RYR2: variants seen among roughly 807,000 people sequenced by gnomAD.
RYR2 encodes ryanodine receptor 2.
In RYR2, 227 loss-of-function variants were observed where a neutral mutation model predicts 601.1. The observed-to-expected ratio is 0.38, with a 90% CI of 0.34 to 0.42. The LOEUF (loss-of-function observed/expected upper bound fraction) is 0.42. Ranked by LOEUF, RYR2 falls within the 10% of genes least tolerant of loss-of-function variation. The probability of loss-of-function intolerance (pLI) is 1.00; values close to 1 mark genes in which losing one functional copy is unlikely to be tolerated. For synonymous variants in RYR2, 2,223 were observed against 2,175.1 expected (o/e 1.02, Z -0.61); for missense variants, 4,646 against 6,156.5 (o/e 0.75, Z 8.21).
intron 24 of RYR2, among the ~76,000 whole-genome samples, chr1:237,523,708 G>A (rs1474401020): frequency 6.6e-6 from 1 of 150,992 alleles, no homozygotes; most frequent in Non-Finnish European, 1.5e-5. Flanking sequence ...CTGTCCTCCT[G>A]CCTGGGTGGC....
At chr1:237,134,379 G>A (rs958306349) in intron 1 of RYR2, among the ~76,000 whole-genome samples, 6 of 152,192 alleles carry the variant, frequency 3.9e-5, no homozygotes, top group African/African-American at 1.2e-4. Context: ...CTGACTCACA[G>A]TTCCACGTGG....
At chr1:237,220,041 C>T (rs1249668294) in intron 1 of RYR2, among the ~76,000 whole-genome samples, 2 of 152,210 alleles carry the variant, frequency 1.3e-5, no homozygotes, top group African/African-American at 4.8e-5. Flanking sequence ...GTGTTGATTA[C>T]TGAACAGCTA....
At position 237,257,232 on chromosome 1, in the gene RYR2, G is replaced by A. The variant is rs144434835; in HGVS notation, c.49-13265G>A. On this transcript the variant is annotated intron_variant, in intron 1 of 104. Coordinates refer to ENST00000366574, the MANE Select transcript of RYR2 (RefSeq NM_001035.3). The stretch of plus-strand genomic sequence containing the variant: ...AGATTTGTCTCATTCGACCACCTGC[G>A]CATCCATGAGCAAATGGCTTACTCT... Among the ~76,000 whole-genome samples, 840 of 152,248 alleles carry A rather than the reference G, an allele frequency of 5.5e-3. 10 individuals carry two copies. Among genetic ancestry groups the A allele is most frequent in the Admixed American group, 9.9e-3 (152 of 15,290 alleles).
chr1:237,083,207 C>T (rs1431217286), intron 1 of RYR2, among the ~76,000 whole-genome samples: 3 of 152,118 alleles, frequency 2.0e-5, no homozygotes, highest in Non-Finnish European at 4.4e-5. Flanking sequence ...CAGTTTGGTG[C>T]ATGCTTTGAA....
chr1:237,825,943 T>C (rs1371181342), intron 101 of RYR2, among the ~76,000 whole-genome samples: 1 of 152,076 alleles, frequency 6.6e-6, no homozygotes, highest in Non-Finnish European at 1.5e-5. Context: ...ATTGAAGAAA[T>C]GCAAATCAAA....
chr1:237,216,979 C>CCT (rs1683257673), intron 1 of RYR2, among the ~76,000 whole-genome samples: 1 of 152,114 alleles, frequency 6.6e-6, no homozygotes, highest in East Asian at 1.9e-4. Flanking sequence ...CTCCAGGGTA[C>CCT]CTGAAATTTC....
intron 10 of RYR2, among the ~76,000 whole-genome samples, chr1:237,390,105 G>C (rs563373784): frequency 4.4e-4 from 65 of 148,494 alleles, no homozygotes; most frequent in Non-Finnish European, 6.9e-4. Context: ...AGTCATTGAA[G>C]TCAAAGGATT....
chr1:237,419,615 A>G (rs1422313391), intron 11 of RYR2, among the ~76,000 whole-genome samples: 4 of 152,178 alleles, frequency 2.6e-5, no homozygotes, highest in Non-Finnish European at 4.4e-5. Flanking sequence ...GAGAAGGCAG[A>G]GCAGGTAGTT....
intron 23 of RYR2, among the ~76,000 whole-genome samples, chr1:237,511,390 A>T (rs993251602): frequency 2.0e-5 from 3 of 151,620 alleles, no homozygotes; most frequent in African/African-American, 7.3e-5. Context: ...ATAAGATATA[A>T]GCAAATGCTG....
chr1:237,440,035 A>C (rs181641389), intron 12 of RYR2, among the ~76,000 whole-genome samples: 1 of 152,202 alleles, frequency 6.6e-6, no homozygotes, highest in East Asian at 1.9e-4. Flanking sequence ...GGTTATTTGC[A>C]TAATGATTGA....
chr1:237,627,894 T>C lies in RYR2; in HGVS notation c.6254T>C (p.Phe2085Ser), dbSNP rs762814340. Residue 2085 changes from phenylalanine to serine, a missense_variant, in exon 41 of 105, where the codon TTT (phenylalanine) becomes TCT (serine). By Grantham distance (155) the Phe-to-Ser change is radical (BLOSUM62 -2). Coordinates refer to ENST00000366574, the MANE Select transcript of RYR2 (RefSeq NM_001035.3). ...GACCCCGAGCTGGTGAGGGCCATGT[T>C]TGTGTTGCTCCATCGGCAGTATGAC... ...IEDPELVRAM[F>S]VLLHRQYDGI... The C allele has an allele frequency of 5.0e-6, 8 of 1,613,798 alleles. No individual in the cohort carries two copies. The highest frequency in any genetic ancestry group is 2.2e-5 in the East Asian group (1 of 44,858).
chr1:237,437,608 G>C (rs547888032), intron 12 of RYR2, among the ~76,000 whole-genome samples: 1 of 152,156 alleles, frequency 6.6e-6, no homozygotes, highest in Non-Finnish European at 1.5e-5. Context: ...GTGGAAAGAA[G>C]ACAATTGAGG....
rs1695420700 is a variant in RYR2, at chr1:237,784,878, G to A, written c.13166G>A (p.Gly4389Glu). Residue 4389 changes from glycine (G) to glutamate (E), a missense_variant, in exon 90 of 105, where the codon GGA becomes GAA. By Grantham distance (98) the Gly-to-Glu change is moderately conservative. Around this residue, in one of 17 missense-constraint regions of RYR2, gnomAD observed 364 missense variants for 442.9 expected, o/e 0.82. Coordinates refer to ENST00000366574, the MANE Select transcript of RYR2 (RefSeq NM_001035.3). The surrounding 1 kb of genome is among the most constrained non-coding windows in gnomAD (Gnocchi z 7.1). ...IFGLDLKREG[G>E]QYKLIPHNPN... The stretch of plus-strand genomic sequence containing the variant: ...GGCCTGGATCTGAAGAGAGAAGGAG[G>A]ACAGTACAAACTGATTCCTCATAAT... 1.2e-6 allele frequency: 2 copies of A among 1,613,472 alleles called. No individual in the cohort carries two copies. Among genetic ancestry groups the A allele is most frequent in the Non-Finnish European group, 1.7e-6 (2 of 1,179,762 alleles).
chr1:237,746,888 T>A (rs1349283957), intron 80 of RYR2, among the ~76,000 whole-genome samples: 1 of 152,138 alleles, frequency 6.6e-6, no homozygotes, highest in African/African-American at 2.4e-5. Context: ...TCAAGTCAAA[T>A]AACATCATTT....
intron 24 of RYR2, among the ~76,000 whole-genome samples, chr1:237,529,406 A>G (rs1032435292): frequency 6.6e-6 from 1 of 152,174 alleles, no homozygotes; most frequent in African/African-American, 2.4e-5. Context: ...ATAGATACCC[A>G]TATGTATAAG....
chr1:237,513,853 T>A (rs956947449), intron 24 of RYR2, among the ~76,000 whole-genome samples: 2 of 152,182 alleles, frequency 1.3e-5, no homozygotes, highest in Non-Finnish European at 2.9e-5. Flanking sequence ...TCAGAGTATA[T>A]CCCCATTGTT....
intron 16 of RYR2, 26 bp downstream of exon 16, chr1:237,456,761 C>A (rs1342300328): frequency 6.2e-7 from 1 of 1,610,914 alleles, no homozygotes; most frequent in East Asian, 2.2e-5. Flanking sequence ...GGGTTCATAG[C>A]AACAGAGTTA....
intron 82 of RYR2, 63 bp from the exon 83 acceptor site, chr1:237,759,713 T>C: frequency 1.0e-6 from 1 of 1,003,330 alleles, no homozygotes; most frequent in Non-Finnish European, 1.6e-6. Context: ...TTTGGTTGTT[T>C]ATTTATTTAA....
chr1:237,455,768 C>T (rs776252229), intron 15 of RYR2, among the ~76,000 whole-genome samples: 3 of 151,970 alleles, frequency 2.0e-5, no homozygotes, highest in East Asian at 1.9e-4. Flanking sequence ...CTCAACGGCA[C>T]GAAAGCAAAA....
Sources: allele counts gnomAD v4.1 joint callset (sites outside exome capture counted in the v4.1 genomes callset), GRCh38; gene constraint gnomAD v4.1.1; regional missense constraint gnomAD v4.1.1; non-coding constraint Gnocchi (gnomAD v3.1); transcripts MANE v1.5; gene names NCBI Gene and HGNC (gene_info 2026-07-23, HGNC 2026-07-21).